The following ARAP2 variants were observed in gnomAD, a reference collection of about 807,000 sequenced individuals.
ARAP2 encodes the protein ArfGAP with RhoGAP domain, ankyrin repeat and PH domain 2, also known as arf-GAP with Rho-GAP domain, ANK repeat and PH domain-containing protein 2.
Under a neutral mutation model 194.5 loss-of-function variants are expected in ARAP2, and 148 were observed. The ratio of observed to expected loss-of-function variants is 0.76; its 90% CI spans 0.67 to 0.87. ARAP2 has a LOEUF of 0.87. ARAP2 is among the 40% of genes least tolerant of loss of function. The pLI, the probability that ARAP2 is intolerant of heterozygous loss-of-function variation, is 0.00. For synonymous variants in ARAP2, 695 were observed against 683.5 expected, an observed-to-expected ratio of 1.02 and a Z score of -0.26; for missense variants, 2,128 against 1,989.7, an observed-to-expected ratio of 1.07 and a Z score of -1.32.
chr4:36,169,646 C>T (rs201286596), intron 9 of ARAP2, among the ~76,000 whole-genome samples: 2 of 152,168 alleles, frequency 1.3e-5, no homozygotes, highest in African/African-American at 4.8e-5. Context: ...ATTCCCCTGC[C>T]TCAGCCTCCT....
intron 5 of ARAP2, among the ~76,000 whole-genome samples, chr4:36,025,541 T>C (rs990907107): frequency 1.2e-4 from 19 of 152,170 alleles, no homozygotes; most frequent in African/African-American, 4.6e-4. Flanking sequence ...TCCAGAATGT[T>C]TTTCTTTCAG....
intron 15 of ARAP2, among the ~76,000 whole-genome samples, chr4:36,154,253 G>T (rs13119848): frequency 0.097 from 14,756 of 151,988 alleles, 798 homozygotes; most frequent in Middle Eastern, 0.14. Flanking sequence ...ATAGTATTCG[G>T]CACCCACTAC....
chr4:36,150,857 T>C (rs1730800706), intron 16 of ARAP2, 43 bp downstream of exon 16: 3 of 1,576,424 alleles, frequency 1.9e-6, no homozygotes, highest in Non-Finnish European at 1.7e-6. Flanking sequence ...TATAATTATC[T>C]GAAAATACCT....
At chr4:36,045,823 T>A (rs868828535) in intron 5 of ARAP2, among the ~76,000 whole-genome samples, 5 of 151,978 alleles carry the variant, frequency 3.3e-5, no homozygotes, top group Admixed American at 1.3e-4. Context: ...AGATATGCAA[T>A]TATTGACAAT....
At chr4:36,013,397 G>A (rs1027746484) in intron 8 of ARAP2, among the ~76,000 whole-genome samples, 1 of 152,188 alleles carries the variant, frequency 6.6e-6, no homozygotes, top group Non-Finnish European at 1.5e-5. Flanking sequence ...ACTAAAAAGG[G>A]TGAGGAATTA....
At chr4:36,116,981 T>A in intron 25 of ARAP2, 80 bp downstream of exon 25, 1 of 889,132 alleles carries the variant, frequency 1.1e-6, no homozygotes, top group Non-Finnish European at 1.6e-6. Flanking sequence ...AATATAATAA[T>A]GGAAAATTCA....
In ARAP2 at chr4:36,128,666, A is replaced by T; in HGVS notation, c.3507T>A (p.Asp1169Glu). ...CAGCCCTCAATTTAAAGCTTCTTGC[A>T]TCCTTTTTGAAACTCTCCAGGAGTT... ...ISELLESFKK[D>E]ARSFKLRAGK... is the part of the protein sequence containing the mutation. The change falls in exon 21 of 33, where the codon GAT (aspartate) becomes GAA (glutamate). Residue 1169 changes from aspartate to glutamate, a missense_variant. Asp to Glu is a conservative substitution (Grantham distance 45). Transcript: ENST00000303965. 1 of 1,612,940 alleles carries T rather than the reference A, an allele frequency of 6.2e-7. No individual in the cohort carries two copies. Among genetic ancestry groups the T allele is most frequent in the Non-Finnish European group, 8.5e-7 (1 of 1,179,432 alleles).
intron 1 of ARAP2, 40 bp from the exon 2 acceptor site, chr4:36,229,685 T>A (rs1751052354): frequency 2.3e-6 from 1 of 428,480 alleles, no homozygotes; most frequent in Non-Finnish European, 4.1e-6. Flanking sequence ...GCTATTTTAA[T>A]TATTAAAATC....
chr4:36,167,166 C>T (rs1405886844), intron 9 of ARAP2, 119 bp from the exon 10 acceptor site: 26 of 627,438 alleles, frequency 4.1e-5, no homozygotes, highest in Non-Finnish European at 5.6e-5. Context: ...ATCAGTCTCA[C>T]TTTAGGTAGC....
chr4:36,218,720 A>C (rs181471796), intron 2 of ARAP2, among the ~76,000 whole-genome samples: 6 of 152,334 alleles, frequency 3.9e-5, no homozygotes, highest in Admixed American at 3.9e-4. Context: ...CATAAATTTG[A>C]CTAAATTAAG....
intron 27 of ARAP2, 104 bp from the exon 28 acceptor site, chr4:36,092,124 T>A: frequency 7.7e-7 from 1 of 1,292,294 alleles, no homozygotes; most frequent in South Asian, 1.8e-5. Context: ...TAAGAACTTG[T>A]TTACTACCGC....
intron 5 of ARAP2, among the ~76,000 whole-genome samples, chr4:36,033,008 AT>A (rs11310220): frequency 0.74 from 111,947 of 152,032 alleles, 42,167 homozygotes; most frequent in Admixed American, 0.85. Flanking sequence ...ACCTGATCTC[AT>A]TTTTTTGTGG....
At chr4:36,026,591 G>A (rs1187705274) in intron 5 of ARAP2, among the ~76,000 whole-genome samples, 2 of 152,198 alleles carry the variant, frequency 1.3e-5, no homozygotes, top group Admixed American at 6.6e-5. Context: ...GATATCACGG[G>A]ACTGGAAGTG....
At chr4:36,170,682 G>C (rs1322155792) in intron 9 of ARAP2, among the ~76,000 whole-genome samples, 1 of 152,096 alleles carries the variant, frequency 6.6e-6, no homozygotes, top group Non-Finnish European at 1.5e-5. Flanking sequence ...ATATCTATCT[G>C]TGCATGCTAT....
rs558051983 is a variant in ARAP2, at chr4:36,166,086, T to C, written c.1973+846A>G. ...GAATCTGCAAATGTAAAAATAAAGCTTGTTAATTTTATGCAACCATTTCTT... is the reference window on the plus strand; with the variant it reads ...GAATCTGCAAATGTAAAAATAAAGCCTGTTAATTTTATGCAACCATTTCTT... On this transcript the variant is annotated intron_variant, in intron 10 of 32. Transcript: ENST00000303965. 2.6e-5 allele frequency among the ~76,000 whole-genome samples: 4 copies of C among 152,290 alleles called. No individual in the cohort carries two copies. In the South Asian group the frequency reaches 8.3e-4, roughly 32 times the overall value.
At chr4:36,044,092 G>T (rs1443013124) in intron 5 of ARAP2, among the ~76,000 whole-genome samples, 2 of 152,092 alleles carry the variant, frequency 1.3e-5, no homozygotes, top group East Asian at 3.9e-4. Flanking sequence ...ACATTTCGTG[G>T]TTTATGTTTA....
At chr4:36,131,418 G>GTA (rs1226897150) in intron 20 of ARAP2, among the ~76,000 whole-genome samples, 5 of 150,490 alleles carry the variant, frequency 3.3e-5, no homozygotes, top group South Asian at 4.2e-4. Flanking sequence ...GACTATATGT[G>GTA]TATATATATG....
chr4:36,161,647 T>C (rs1302811846), intron 11 of ARAP2, 97 bp from the exon 12 acceptor site: 1 of 949,650 alleles, frequency 1.1e-6, no homozygotes, highest in East Asian at 2.6e-5. Flanking sequence ...GTATGTTCGT[T>C]GCGTATCTTC....
At chr4:36,155,930 G>A (rs1419041938) in intron 15 of ARAP2, among the ~76,000 whole-genome samples, 1 of 152,116 alleles carries the variant, frequency 6.6e-6, no homozygotes, top group East Asian at 1.9e-4. Flanking sequence ...TGTAGCCCAA[G>A]CTGTGTTCAA....
Sources: gnomAD v4.1 joint callset for allele counts (sites outside exome capture counted in the v4.1 genomes callset) on GRCh38, gnomAD v4.1.1 for gene constraint, MANE v1.5 for transcripts, NCBI Gene and HGNC (gene_info 2026-07-23, HGNC 2026-07-21) for gene names.